The following NASP variants were observed in gnomAD, a reference collection of about 807,000 sequenced individuals.
NASP encodes nuclear autoantigenic sperm protein.
In NASP, 24 loss-of-function variants were observed where a neutral mutation model predicts 89.5. That is an observed-to-expected ratio of 0.27 (90% CI 0.19 to 0.38). The LOEUF (loss-of-function observed/expected upper bound fraction) is 0.38. Ranked by LOEUF, NASP falls within the 10% of genes least tolerant of loss-of-function variation. The probability of loss-of-function intolerance (pLI) is 1.00; values close to 1 mark genes in which losing one functional copy is unlikely to be tolerated. For missense variants in NASP, 848 were observed against 921.4 expected (o/e 0.92, Z 1.03); for synonymous variants, 306 against 324.7 (o/e 0.94, Z 0.62).
intron 1 of NASP, among the ~76,000 whole-genome samples, 171 bp downstream of exon 1, chr1:45,584,376 G>T (rs1644496000): frequency 1.3e-5 from 2 of 152,210 alleles, no homozygotes; most frequent in South Asian, 4.1e-4. Flanking sequence ...TTTGCTGAGA[G>T]CCTCGCGCAG....
At chr1:45,615,904 T>G (rs1644097434) in intron 11 of NASP, among the ~76,000 whole-genome samples, 1 of 152,216 alleles carries the variant, frequency 6.6e-6, no homozygotes, top group African/African-American at 2.4e-5. Flanking sequence ...TTCAGATTGT[T>G]GGATTAAGGG....
At chr1:45,615,510 A>G (rs1338076427) in intron 11 of NASP, 39 bp downstream of exon 11, 1 of 1,570,254 alleles carries the variant, frequency 6.4e-7, no homozygotes, top group Non-Finnish European at 8.6e-7. Flanking sequence ...CATGTTTGGT[A>G]CCATTTATGT....
chr1:45,610,973 C>G (rs1367892536), intron 6 of NASP: 2 of 152,346 alleles, frequency 1.3e-5, no homozygotes, highest in Non-Finnish European at 2.9e-5. Flanking sequence ...TAGCCTCAGC[C>G]TCCCAGAGTG....
In NASP at chr1:45,617,540, T is replaced by G. The variant is rs1191060486; in HGVS notation, c.2235T>G (p.Ser745Arg). Reference sequence around the variant, plus strand: ...AAGAGCCGGAGGTGAACGGAGGCAGTGGGGATGCTGTCCCCAGTGGAAATG... The same window carrying G: ...AAGAGCCGGAGGTGAACGGAGGCAGGGGGGATGCTGTCCCCAGTGGAAATG... ...AKQEPEVNGGSGDAVPSGNEV... is the reference protein window; with the variant it reads ...AKQEPEVNGGRGDAVPSGNEV... The change falls in exon 14 of 15, where the codon AGT becomes AGG. Residue 745 changes from serine (S) to arginine (R), a missense_variant. Ser to Arg is a moderately radical substitution (Grantham distance 110). Around this residue, in one of 5 missense-constraint regions of NASP, gnomAD observed 218 missense variants for 219.6 expected, o/e 0.99. Coordinates refer to ENST00000350030, the MANE Select transcript of NASP (RefSeq NM_002482.4). 6.2e-7 allele frequency: 1 copy of G among 1,607,904 alleles called. No individual in the cohort carries two copies. The highest frequency in any genetic ancestry group is 8.5e-7 in the Non-Finnish European group (1 of 1,178,210).
At chr1:45,616,799 G>GAC in intron 13 of NASP, 96 bp downstream of exon 13, 1 of 1,169,516 alleles carries the variant, frequency 8.6e-7, no homozygotes. Context: ...GTGCATATAA[G>GAC]ACACTTATTT....
intron 6 of NASP, chr1:45,610,520 T>C (rs967707422): frequency 6.6e-6 from 1 of 152,224 alleles, no homozygotes; most frequent in African/African-American, 2.4e-5. Context: ...CACTTAAAAA[T>C]TAAAACCCTG....
intron 2 of NASP, among the ~76,000 whole-genome samples, chr1:45,601,042 C>G (rs569264918): frequency 6.6e-6 from 1 of 152,160 alleles, no homozygotes; most frequent in Admixed American, 6.5e-5. Flanking sequence ...TTTATTACTA[C>G]GTTCTAAGAG....
chr1:45,614,878 A>G (rs1342208220), intron 9 of NASP, 135 bp from the exon 10 acceptor site: 3 of 791,944 alleles, frequency 3.8e-6, no homozygotes, highest in Non-Finnish European at 5.9e-6. Flanking sequence ...CTTTATAGCC[A>G]AGGGTCCTGG....
At chr1:45,590,497 C>G (rs1394451761) in intron 1 of NASP, among the ~76,000 whole-genome samples, 1 of 146,092 alleles carries the variant, frequency 6.8e-6, no homozygotes, top group Non-Finnish European at 1.5e-5. Flanking sequence ...TGCAGTGAGC[C>G]GGAGATCGTG....
At chr1:45,610,993 C>G (rs1376868243) in intron 6 of NASP, 3 of 152,418 alleles carry the variant, frequency 2.0e-5, no homozygotes, top group African/African-American at 7.2e-5. Context: ...GCTGGGATTA[C>G]AGGTGTGAAC....
intron 2 of NASP, among the ~76,000 whole-genome samples, chr1:45,592,230 C>T (rs1643567826): frequency 6.6e-6 from 1 of 152,210 alleles, no homozygotes; most frequent in Admixed American, 6.5e-5. Context: ...GGTGATCTGC[C>T]CGCCTTGGCC....
chr1:45,586,176 G>T (rs1369103043), intron 1 of NASP, among the ~76,000 whole-genome samples: 1 of 150,468 alleles, frequency 6.6e-6, no homozygotes, highest in East Asian at 2.0e-4. Flanking sequence ...GGGGGGCAGG[G>T]TCTCTGTCAC....
chr1:45,618,341 C>T lies in NASP; in HGVS notation c.*200C>T, dbSNP rs959040324. 11 of 493,906 alleles carry T rather than the reference C, an allele frequency of 2.2e-5. No individual in the cohort carries two copies. The highest frequency in any genetic ancestry group is 4.2e-5 in the Non-Finnish European group (11 of 264,878). 30.6% of individuals were successfully genotyped at this position (493,906 alleles called of 1,614,324 possible). On this transcript the variant is annotated 3_prime_UTR_variant, in exon 15 of 15. Coordinates refer to ENST00000350030, the MANE Select transcript of NASP (RefSeq NM_002482.4). ...ATATTAGCCAAAGGTTTTGTTCTGG[C>T]CTTCTGTACTGATCTGTGTTCCTGA...
intron 3 of NASP, 166 bp from the exon 4 acceptor site, chr1:45,604,770 A>G (rs1643888315): frequency 1.1e-5 from 6 of 569,278 alleles, no homozygotes; most frequent in East Asian, 2.9e-5. Context: ...AGAGCATACA[A>G]AATTTTCATG....
chr1:45,608,901 T>G (rs1027543929), intron 6 of NASP, among the ~76,000 whole-genome samples: 15 of 152,094 alleles, frequency 9.9e-5, no homozygotes, highest in Non-Finnish European at 2.1e-4. Flanking sequence ...CTGGTGCCCC[T>G]CTTTAAGTCT....
At chr1:45,604,794 C>T in intron 3 of NASP, 142 bp from the exon 4 acceptor site, 2 of 621,958 alleles carry the variant, frequency 3.2e-6, no homozygotes, top group Middle Eastern at 4.4e-4. Flanking sequence ...TGTTTAATGT[C>T]ACTTTGACCT....
Position 45,607,438 on chromosome 1 carries a change from G to T in NASP, c.527G>T (p.Ser176Ile), listed in dbSNP as rs143372420. 404 of 1,613,858 alleles carry T rather than the reference G, an allele frequency of 2.5e-4. No individual in the cohort carries two copies. Among genetic ancestry groups the T allele is most frequent in the Non-Finnish European group, 3.2e-4 (377 of 1,179,944 alleles). The change falls in exon 6 of 15, where the codon AGT (serine) becomes ATT (isoleucine). Residue 176 changes from serine (S) to isoleucine (I), a missense_variant. Ser to Ile is a moderately radical substitution (Grantham distance 142, BLOSUM62 -2). Around this residue, in one of 5 missense-constraint regions of NASP, gnomAD observed 464 missense variants for 469.4 expected, o/e 0.99. Transcript: ENST00000350030. ...AKPETDKEQD[S>I]EMEKGGREDM... Reference sequence around the variant, plus strand: ...CCTGAAACTGATAAAGAACAGGACAGTGAAATGGAGAAGGGTGGAAGAGAA... The same window carrying T: ...CCTGAAACTGATAAAGAACAGGACATTGAAATGGAGAAGGGTGGAAGAGAA...
At chr1:45,585,787 A>G (rs1399739753) in intron 1 of NASP, among the ~76,000 whole-genome samples, 2 of 152,058 alleles carry the variant, frequency 1.3e-5, no homozygotes, top group Non-Finnish European at 2.9e-5. Context: ...GTAGCTTGGG[A>G]CTACAGGTGT....
chr1:45,586,217 C>T (rs904259583), intron 1 of NASP, among the ~76,000 whole-genome samples: 4 of 149,282 alleles, frequency 2.7e-5, no homozygotes, highest in African/African-American at 7.5e-5. Context: ...GCCATCTCGG[C>T]CCCCTGCAGC....
Sources: allele counts gnomAD v4.1 joint callset (sites outside exome capture counted in the v4.1 genomes callset), GRCh38; gene constraint gnomAD v4.1.1; regional missense constraint gnomAD v4.1.1; transcripts MANE v1.5; gene names NCBI Gene and HGNC (gene_info 2026-07-23, HGNC 2026-07-21).